Variants in MAP3K15 observed in about 807,000 individuals in gnomAD.
The protein encoded by MAP3K15 is mitogen-activated protein kinase kinase kinase 15, also known as MAPK/ERK kinase kinase 15.
In MAP3K15, 124 loss-of-function variants were observed where a neutral mutation model predicts 99.5. That is an observed-to-expected ratio of 1.25 (90% CI 1.08 to 1.45). The LOEUF (loss-of-function observed/expected upper bound fraction) is 1.45. Ranked by LOEUF, MAP3K15 falls within the 40% of genes most tolerant of loss-of-function variation. The probability of loss-of-function intolerance (pLI) is 0.00; values close to 1 mark genes in which losing one functional copy is unlikely to be tolerated. For missense variants in MAP3K15, 1,242 were observed against 1,079.7 expected (o/e 1.15, Z -2.11); for synonymous variants, 494 against 439.6 (o/e 1.12, Z -1.55).
At chrX:19,493,910 A>C (rs2064384022) in intron 1 of MAP3K15, among the ~76,000 whole-genome samples, 1 of 111,293 alleles carries the variant, frequency 9.0e-6, no homozygotes, top group African/African-American at 3.3e-5. Flanking sequence ...ACACTGTGTA[A>C]AACTGAGCTA....
chrX:19,436,691 C>A, intron 6 of MAP3K15, among the ~76,000 whole-genome samples: 1 of 111,013 alleles, frequency 9.0e-6, no homozygotes, highest in African/African-American at 3.3e-5. Context: ...TTTTTTGTCC[C>A]CCTCAGACAG....
At chrX:19,373,502 G>A (rs1222397214) in intron 21 of MAP3K15, 34 bp downstream of exon 21, 6 of 1,162,099 alleles carry the variant, frequency 5.2e-6, no homozygotes, top group African/African-American at 3.6e-5. Context: ...GCACCCTTTC[G>A]GGCCCGCGGC....
chrX:19,493,279 C>T (rs890247488), intron 1 of MAP3K15, among the ~76,000 whole-genome samples: 3 of 104,669 alleles, frequency 2.9e-5, no homozygotes, highest in East Asian at 3.0e-4. Flanking sequence ...TGGGACCCAC[C>T]GGCCTACCAA....
intron 3 of MAP3K15, among the ~76,000 whole-genome samples, chrX:19,476,035 C>T (rs1336555618): frequency 8.9e-6 from 1 of 112,006 alleles, no homozygotes; most frequent in African/African-American, 3.2e-5. Context: ...TCAACAGCAG[C>T]ACAGGGTTTA....
chrX:19,505,535 G>A (rs778822936), intron 1 of MAP3K15, among the ~76,000 whole-genome samples: 10 of 110,752 alleles, frequency 9.0e-5, no homozygotes, highest in Admixed American at 6.7e-4. Flanking sequence ...CACCATCATC[G>A]TCTATATGGG....
intron 13 of MAP3K15, among the ~76,000 whole-genome samples, chrX:19,401,233 C>T (rs1192774926): frequency 9.2e-6 from 1 of 109,079 alleles, no homozygotes; most frequent in Non-Finnish European, 1.9e-5. Context: ...CTCGCTCTGT[C>T]GCCCAGGCTG....
intron 1 of MAP3K15, among the ~76,000 whole-genome samples, chrX:19,498,075 T>C (rs1171749876): frequency 4.5e-5 from 5 of 112,174 alleles, no homozygotes; most frequent in Non-Finnish European, 9.4e-5. Flanking sequence ...ATGTGATAAA[T>C]GGAAATGTAT....
At chrX:19,465,830 G>GGTGTGTGTGTGTGTGTGTGT (rs10589040) in intron 3 of MAP3K15, among the ~76,000 whole-genome samples, 2 of 94,006 alleles carry the variant, frequency 2.1e-5, no homozygotes, top group African/African-American at 7.7e-5. Flanking sequence ...GGTGTGTAGG[G>GGTGTGTGTGTGTGTGTGTGT]GTGTGTGTGT....
intron 25 of MAP3K15, among the ~76,000 whole-genome samples, chrX:19,368,729 G>A (rs1747302211): frequency 9.0e-6 from 1 of 111,525 alleles, no homozygotes; most frequent in Admixed American, 9.5e-5. Flanking sequence ...ACCATGCCAG[G>A]GGCCCCGTCT....
Position 19,443,022 on chromosome X carries a change from C to CTTTTTTT in MAP3K15, c.996-11421_996-11415dup, listed in dbSNP as rs35963207. On this transcript the variant is annotated intron_variant, in intron 6 of 28. Transcript: ENST00000338883. ...GACAGGCATGAGCCACCATGCCCGG[C>CTTTTTTT]TTTTTTTTTTTTTTTTTTTTTTTTT... Among the ~76,000 whole-genome samples, 14 of 17,240 alleles carry CTTTTTTT rather than the reference C, an allele frequency of 8.1e-4. 6 individuals carry two copies. The highest frequency in any genetic ancestry group is 2.0e-3 in the East Asian group (1 of 489). The allele number at this position is 17,240 out of a possible 115,157, so 15.0% of individuals were successfully genotyped here.
chrX:19,374,053 C>G (rs1176314154), intron 20 of MAP3K15, among the ~76,000 whole-genome samples: 2 of 111,587 alleles, frequency 1.8e-5, no homozygotes, highest in African/African-American at 6.5e-5. Context: ...AGGACAGCCA[C>G]ATCAGGCAAA....
Position 19,374,476 on chromosome X carries a change from C to T in MAP3K15, c.2773+1G>A. 1 of 1,209,810 alleles carries T rather than the reference C, an allele frequency of 8.3e-7. No homozygotes were observed. Among genetic ancestry groups the T allele is most frequent in the African/African-American group, 1.7e-5 (1 of 57,804 alleles). On this transcript the variant is annotated splice_donor_variant, in intron 20 of 28. Coordinates refer to ENST00000338883, the MANE Select transcript of MAP3K15 (RefSeq NM_001001671.4). LOFTEE classifies it high-confidence loss of function. ...GCCCCAGCTGTCCAGGGAGGCCTCA[C>T]CTGAGGGCTTGAAGGCAATTCGGTT...
At chrX:19,495,986 T>A (rs1379593873) in intron 1 of MAP3K15, among the ~76,000 whole-genome samples, 1 of 110,257 alleles carries the variant, frequency 9.1e-6, no homozygotes, top group East Asian at 2.8e-4. Context: ...GGTATTGATA[T>A]CATTGTCATC....
intron 10 of MAP3K15, chrX:19,414,223 C>T (rs1281019474): frequency 9.0e-6 from 1 of 110,845 alleles, no homozygotes; most frequent in Non-Finnish European, 1.9e-5. Flanking sequence ...AATAAATCTC[C>T]AAAACAAATA....
chrX:19,369,179 C>T lies in MAP3K15; in HGVS notation c.3441G>A (p.Gly1147=), dbSNP rs149560103. The T allele has an allele frequency of 1.2e-3, 1,491 of 1,209,448 alleles. No homozygotes were observed. Among genetic ancestry groups the T allele is most frequent in the Non-Finnish European group, 1.5e-3 (1,367 of 895,023 alleles). ...CCGCTTCATCCATGTCCTTATCTAC[C>T]CCTTCAGTCTCACAGGTAGGCTCAA... The part of the protein sequence containing the change: ...AHFEPTCETE[G]VDKDMDEAEE... Residue 1147 remains glycine (G), a synonymous_variant, in exon 25 of 29, where the codon GGG becomes GGA. Transcript: ENST00000338883.
intron 8 of MAP3K15, 90 bp downstream of exon 8, chrX:19,426,141 A>C (rs762800426): frequency 2.2e-6 from 1 of 461,911 alleles, no homozygotes; most frequent in Admixed American, 4.7e-5. Context: ...ATAGAAATAT[A>C]ATGATATAAT....
At chrX:19,372,937 C>G in intron 21 of MAP3K15, 110 bp from the exon 22 acceptor site, 1 of 737,725 alleles carries the variant, frequency 1.4e-6, no homozygotes, top group Non-Finnish European at 2.0e-6. Flanking sequence ...GCGATGCAGT[C>G]CCTGTGCTCA....
intron 19 of MAP3K15, among the ~76,000 whole-genome samples, chrX:19,379,127 G>T (rs1442275000): frequency 9.1e-6 from 1 of 110,238 alleles, no homozygotes; most frequent in Non-Finnish European, 1.9e-5. Context: ...TGACTTGAGA[G>T]AACTTATAAC....
At chrX:19,486,919 G>C (rs1156885960) in intron 2 of MAP3K15, among the ~76,000 whole-genome samples, 1 of 111,048 alleles carries the variant, frequency 9.0e-6, no homozygotes, top group Admixed American at 9.6e-5. Flanking sequence ...GCTATCCCCG[G>C]ATCTGGAACC....
Sources: allele counts gnomAD v4.1 joint callset (sites outside exome capture counted in the v4.1 genomes callset), GRCh38; gene constraint gnomAD v4.1.1; transcripts MANE v1.5; gene names NCBI Gene and HGNC (gene_info 2026-07-23, HGNC 2026-07-21).